Variants in THSD7A observed in about 807,000 individuals in gnomAD.
THSD7A encodes thrombospondin type-1 domain-containing protein 7A.
In THSD7A, 96 loss-of-function variants were observed where a neutral mutation model predicts 231.3. The ratio of observed to expected loss-of-function variants is 0.41; its 90% confidence interval spans 0.35 to 0.49. THSD7A has a LOEUF of 0.49. Ranked by LOEUF, THSD7A falls within the 20% of genes least tolerant of loss-of-function variation. THSD7A has a pLI of 0.05. For missense variants in THSD7A, 2,290 were observed against 2,070.2 expected, an observed-to-expected ratio of 1.11 and a Z score of -2.06; for synonymous variants, 940 against 743.3, an observed-to-expected ratio of 1.26 and a Z score of -4.30.
At chr7:11,600,653 C>A (rs1353979295) in intron 2 of THSD7A, among the ~76,000 whole-genome samples, 2 of 152,142 alleles carry the variant, frequency 1.3e-5, no homozygotes, top group Non-Finnish European at 2.9e-5. Context: ...TTACAAGACA[C>A]AGGGAGCTCT....
intron 6 of THSD7A, among the ~76,000 whole-genome samples, chr7:11,518,020 A>T (rs1197431478): frequency 6.6e-6 from 1 of 152,284 alleles, no homozygotes; most frequent in East Asian, 1.9e-4. Flanking sequence ...AGACAGAAGG[A>T]CCTGGATACA....
chr7:11,454,716 A>T (rs1785249594), intron 11 of THSD7A, among the ~76,000 whole-genome samples: 1 of 151,958 alleles, frequency 6.6e-6, no homozygotes, highest in African/African-American at 2.4e-5. Flanking sequence ...TAATATCTCA[A>T]GAGGCTGGGC....
rs79919384 is a variant in THSD7A, at chr7:11,609,529, A to G, written c.1023-16027T>C. Among the ~76,000 whole-genome samples, 811 of 152,270 alleles carry G rather than the reference A, an allele frequency of 5.3e-3. 4 individuals carry two copies. Among genetic ancestry groups the G allele is most frequent in the South Asian group, 0.01 (49 of 4,818 alleles). On this transcript the variant is annotated intron_variant, in intron 2 of 27. Coordinates refer to ENST00000423059, the MANE Select transcript of THSD7A (RefSeq NM_015204.3). Reference sequence around the variant, plus strand: ...TAGTGAACTGGTTTATTTCAGATAGAACTGGGGGCAATTCTGCTTCACATG... The same window carrying G: ...TAGTGAACTGGTTTATTTCAGATAGGACTGGGGGCAATTCTGCTTCACATG...
rs1783418109 is a variant in THSD7A, at chr7:11,401,879, C to T, written c.4327G>A (p.Val1443Ile). The T allele has an allele frequency of 3.7e-6, 6 of 1,613,796 alleles. No homozygotes were observed. The highest frequency in any genetic ancestry group is 1.7e-5 in the Admixed American group (1 of 59,994). Residue 1443 changes from valine to isoleucine, a missense_variant, in exon 23 of 28, where the codon GTC becomes ATC. Physicochemically the swap from Val to Ile is conservative, Grantham distance 29 (BLOSUM62 3). Coordinates refer to ENST00000423059, the MANE Select transcript of THSD7A (RefSeq NM_015204.3). ...GEDLGFGGIQ[V>I]RSRPVIIQEL... ...TGTATAATCACCGGTCTGGATCTGACCTGTATTCCACCAAAGCCTAGATCC... is the reference window on the plus strand; with the variant it reads ...TGTATAATCACCGGTCTGGATCTGATCTGTATTCCACCAAAGCCTAGATCC...
chr7:11,690,639 T>C lies in THSD7A; in HGVS notation c.191-53678A>G, dbSNP rs939571064. Among the ~76,000 whole-genome samples, 4 of 151,896 alleles carry C rather than the reference T, an allele frequency of 2.6e-5. No individual in the cohort carries two copies. In the East Asian group the frequency reaches 7.8e-4, roughly 30 times the overall value. On this transcript the variant is annotated intron_variant, in intron 1 of 27. Transcript: ENST00000423059. ...CCAGGGAAGCTATCTCAATTCACCT[T>C]GAGCCCTTTGGCGGGGAGATTAGCA...
Position 11,666,433 on chromosome 7 carries a change from A to ACG in THSD7A, c.191-29473_191-29472insCG, listed in dbSNP as rs78789004. 4.7e-5 allele frequency among the ~76,000 whole-genome samples: 4 copies of ACG among 85,658 alleles called. No homozygotes were observed. The East Asian group carries it at 1.2e-3, about 26-fold the overall frequency. 56.2% of individuals were successfully genotyped at this position (85,658 alleles called of 152,430 possible). A position where few individuals can be genotyped will look rare whatever the true frequency, so the allele number is the denominator to read the frequency against. ...TGTGGAATTTTCCACTTGTGGCATT[A>ACG]TAGCACTCAAAATGTTTTGGATTTT... On this transcript the variant is annotated intron_variant, in intron 1 of 27. Coordinates refer to ENST00000423059, the MANE Select transcript of THSD7A (RefSeq NM_015204.3).
intron 6 of THSD7A, among the ~76,000 whole-genome samples, chr7:11,490,204 T>C (rs1008749845): frequency 1.3e-5 from 2 of 152,056 alleles, no homozygotes; most frequent in Non-Finnish European, 1.5e-5. Context: ...ATCAATAATA[T>C]CACATTTGAC....
intron 1 of THSD7A, among the ~76,000 whole-genome samples, chr7:11,808,337 GT>G (rs1489933712): frequency 6.6e-6 from 1 of 152,098 alleles, no homozygotes; most frequent in Non-Finnish European, 1.5e-5. Flanking sequence ...GCTCTTTCTT[GT>G]CCTTTCACCT....
At chr7:11,812,313 C>T (rs972947510) in intron 1 of THSD7A, among the ~76,000 whole-genome samples, 1 of 152,012 alleles carries the variant, frequency 6.6e-6, no homozygotes, top group African/African-American at 2.4e-5. Flanking sequence ...TAACCCTTTA[C>T]AAAATGAATT....
chr7:11,815,685 C>T (rs192387726), intron 1 of THSD7A, among the ~76,000 whole-genome samples: 162 of 152,210 alleles, frequency 1.1e-3, no homozygotes, highest in African/African-American at 3.1e-3. Flanking sequence ...ATATAAAACT[C>T]ATATATTCAC....
In THSD7A at chr7:11,370,476, ATAGT is replaced by A. The variant is rs1186099950; in HGVS notation, c.*5314_*5317del. 6.6e-6 allele frequency: 1 copy of A among 152,224 alleles called. No individual in the cohort carries two copies. The highest frequency in any genetic ancestry group is 1.5e-5 in the Non-Finnish European group (1 of 68,040). 9.4% of individuals were successfully genotyped at this position (152,224 alleles called of 1,614,324 possible). A position where few individuals can be genotyped will look rare whatever the true frequency, so the allele number is the denominator to read the frequency against. ...TTCCGTATTTATGTTTGTCAGCAATATAGTTATTTACAAATAACCCATATGAAAA... is the reference window on the plus strand; with the variant it reads ...TTCCGTATTTATGTTTGTCAGCAATATATTTACAAATAACCCATATGAAAA... On this transcript the variant is annotated 3_prime_UTR_variant, in exon 28 of 28. Transcript: ENST00000423059.
intron 1 of THSD7A, among the ~76,000 whole-genome samples, chr7:11,689,241 A>C (rs900888056): frequency 2.2e-4 from 33 of 152,006 alleles, no homozygotes; most frequent in African/African-American, 4.6e-4. Context: ...AATGGCAACT[A>C]TTATGTAAGG....
chr7:11,825,559 G>C (rs1005870982), intron 1 of THSD7A, among the ~76,000 whole-genome samples: 1 of 152,042 alleles, frequency 6.6e-6, no homozygotes, highest in Admixed American at 6.5e-5. Flanking sequence ...AATAGTTTTT[G>C]TACCATCTGA....
At chr7:11,731,042 T>C (rs1016957074) in intron 1 of THSD7A, among the ~76,000 whole-genome samples, 3 of 151,458 alleles carry the variant, frequency 2.0e-5, no homozygotes, top group Non-Finnish European at 4.4e-5. Flanking sequence ...TCTCTGCATA[T>C]ATAAATTGTT....
chr7:11,699,469 T>G (rs1201873455), intron 1 of THSD7A, among the ~76,000 whole-genome samples: 2 of 151,266 alleles, frequency 1.3e-5, no homozygotes, highest in Non-Finnish European at 1.5e-5. Context: ...TTATTAATTT[T>G]CTTATCAGTT....
At position 11,637,416 on chromosome 7, in the gene THSD7A, G is replaced by T. The variant is rs886888106; in HGVS notation, c.191-455C>A. On this transcript the variant is annotated intron_variant, in intron 1 of 27. Transcript: ENST00000423059. The surrounding 1 kb of genome is among the most constrained non-coding windows in gnomAD (Gnocchi z 4.2). The stretch of plus-strand genomic sequence containing the variant: ...TTCCTGGACAGTTAACTATTTTGTG[G>T]AACTTGCTCTCTTCTTCAACATATT... 2.0e-5 allele frequency among the ~76,000 whole-genome samples: 3 copies of T among 152,108 alleles called. No individual in the cohort carries two copies. Among genetic ancestry groups the T allele is most frequent in the African/African-American group, 7.2e-5 (3 of 41,390 alleles).
intron 6 of THSD7A, 82 bp downstream of exon 6, chr7:11,541,337 A>G: frequency 3.9e-5 from 51 of 1,322,100 alleles, no homozygotes; most frequent in Non-Finnish European, 4.8e-5. Flanking sequence ...TAATGCGAGA[A>G]GACACAGGAT....
intron 1 of THSD7A, among the ~76,000 whole-genome samples, chr7:11,647,014 C>T (rs906638508): frequency 9.9e-5 from 15 of 152,014 alleles, no homozygotes; most frequent in Admixed American, 7.9e-4. Flanking sequence ...TGAAATGCGT[C>T]TCAGAAATGT....
intron 4 of THSD7A, among the ~76,000 whole-genome samples, chr7:11,568,106 C>G (rs1790443382): frequency 6.6e-6 from 1 of 152,114 alleles, no homozygotes; most frequent in Non-Finnish European, 1.5e-5. Flanking sequence ...TTTTAAGTAT[C>G]ATACTAATTA....
Sources: gnomAD v4.1 joint callset for allele counts (sites outside exome capture counted in the v4.1 genomes callset) on GRCh38, gnomAD v4.1.1 for gene constraint, Gnocchi (gnomAD v3.1) non-coding constraint, MANE v1.5 for transcripts, NCBI Gene and HGNC (gene_info 2026-07-23, HGNC 2026-07-21) for gene names.